ADAMTS17: variants seen among roughly 807,000 people sequenced by gnomAD.
ADAMTS17 encodes the protein A disintegrin and metalloproteinase with thrombospondin motifs 17.
Under a neutral mutation model 141.5 loss-of-function variants are expected in ADAMTS17, and 113 were observed. The ratio of observed to expected loss-of-function variants is 0.80; its 90% confidence interval spans 0.69 to 0.93. ADAMTS17 has a LOEUF of 0.93. ADAMTS17 is among the 40% of genes least tolerant of loss of function. The pLI is 0.00. For synonymous variants in ADAMTS17, 768 were observed against 630.6 expected (o/e 1.22, Z -3.27); for missense variants, 1,659 against 1,517.9 (o/e 1.09, Z -1.54).
At chr15:100,206,301 C>T (rs1427315384) in intron 7 of ADAMTS17, among the ~76,000 whole-genome samples, 1 of 152,210 alleles carries the variant, frequency 6.6e-6, no homozygotes, top group Non-Finnish European at 1.5e-5. Context: ...TGCACCGTCA[C>T]CTGTGTGCAG....
intron 4 of ADAMTS17, among the ~76,000 whole-genome samples, chr15:100,273,982 A>T (rs1261609168): frequency 6.6e-6 from 1 of 152,086 alleles, no homozygotes; most frequent in Non-Finnish European, 1.5e-5. Flanking sequence ...CAAATTTGTG[A>T]ATTTTCCAGT....
intron 10 of ADAMTS17, among the ~76,000 whole-genome samples, chr15:100,142,080 C>T (rs531982474): frequency 2.8e-4 from 43 of 152,220 alleles, no homozygotes; most frequent in Non-Finnish European, 4.3e-4. Flanking sequence ...AAGACAGATA[C>T]CTAAAACCCA....
chr15:100,133,304 A>G lies in ADAMTS17; in HGVS notation c.1485T>C (p.Cys495=), dbSNP rs1260745316. ...CTTCTACCAGGCACCACAGTCCAGC[A>G]CACATTAGATGCTGCAGGACAAGGG... ...TFCRNMEHLM[C]AGLWCLVEGD... is the part of the protein sequence containing the mutation. Residue 495 remains cysteine, a synonymous_variant, in exon 11 of 22, where the codon TGT becomes TGC. Coordinates refer to ENST00000268070, the MANE Select transcript of ADAMTS17 (RefSeq NM_139057.4). 6.3e-7 allele frequency: 1 copy of G among 1,587,884 alleles called. No individual in the cohort carries two copies. Among genetic ancestry groups the G allele is most frequent in the Non-Finnish European group, 8.6e-7 (1 of 1,164,474 alleles).
In ADAMTS17 at chr15:100,322,726, G is replaced by A. The variant is rs995013152; in HGVS notation, c.616+8163C>T. Among the ~76,000 whole-genome samples, 4 of 152,168 alleles carry A rather than the reference G, an allele frequency of 2.6e-5. No homozygotes were observed. The East Asian group carries it at 7.7e-4, about 29-fold the overall frequency. On this transcript the variant is annotated intron_variant, in intron 3 of 21. Transcript: ENST00000268070. ...ATGGATGAAAAGACAGGAAATTGCAGCAGAAATACTGACACTACTTAAAAA... is the reference window on the plus strand; with the variant it reads ...ATGGATGAAAAGACAGGAAATTGCAACAGAAATACTGACACTACTTAAAAA...
At chr15:100,242,334 C>G (rs28653465) in intron 7 of ADAMTS17, among the ~76,000 whole-genome samples, 4,013 of 152,304 alleles carry the variant, frequency 0.026, 184 homozygotes, top group African/African-American at 0.09. Context: ...CAAATGAGGA[C>G]TGTCCGTTGT....
In ADAMTS17 at chr15:100,313,500, G is replaced by A. The variant is rs182192775; in HGVS notation, c.616+17389C>T. On this transcript the variant is annotated intron_variant, in intron 3 of 21. Transcript: ENST00000268070. The stretch of plus-strand genomic sequence containing the variant: ...CCAATTTTAAAAAATACACCCACAC[G>A]GGCCAAATCTGAGACCGTTTGGGCA... 8.5e-5 allele frequency among the ~76,000 whole-genome samples: 13 copies of A among 152,254 alleles called. No homozygotes were observed. In the East Asian group the frequency reaches 9.6e-4, roughly 11 times the overall value.
intron 18 of ADAMTS17, among the ~76,000 whole-genome samples, chr15:100,006,419 G>C (rs1052304956): frequency 1.3e-5 from 2 of 152,170 alleles, no homozygotes; most frequent in Non-Finnish European, 2.9e-5. Context: ...CTAGGTAAAG[G>C]CCTTGTGAGG....
In ADAMTS17 at chr15:100,209,602, TAAA is replaced by T. The variant is rs11316509; in HGVS notation, c.1076-10182_1076-10180del. 4.2e-5 allele frequency among the ~76,000 whole-genome samples: 6 copies of T among 144,426 alleles called. No homozygotes were observed. In the East Asian group the frequency reaches 1.2e-3, roughly 29 times the overall value. The allele number at this position is 144,426 out of a possible 152,430, so 94.7% of individuals were successfully genotyped here. On this transcript the variant is annotated intron_variant, in intron 7 of 21. Coordinates refer to ENST00000268070, the MANE Select transcript of ADAMTS17 (RefSeq NM_139057.4). ...TAAAAATGACGGCATTACATTTTAT[TAAA>T]AAAAAAAAAAGCCTCTTAGAAAAGA...
intron 8 of ADAMTS17, among the ~76,000 whole-genome samples, chr15:100,160,537 T>C (rs995057757): frequency 2.0e-5 from 3 of 152,164 alleles, no homozygotes; most frequent in Non-Finnish European, 2.9e-5. Flanking sequence ...CAGGGCCTCT[T>C]CTCCTGGCCA....
intron 7 of ADAMTS17, among the ~76,000 whole-genome samples, chr15:100,251,867 G>T (rs1438689107): frequency 6.6e-6 from 1 of 152,224 alleles, no homozygotes; most frequent in Non-Finnish European, 1.5e-5. Context: ...GCCACAAGAG[G>T]ACACAGGAGA....
chr15:100,322,687 A>G (rs2045766628), intron 3 of ADAMTS17, among the ~76,000 whole-genome samples: 1 of 152,248 alleles, frequency 6.6e-6, no homozygotes, highest in Admixed American at 6.5e-5. Flanking sequence ...GACTTAAAGG[A>G]AAATGTGCTC....
chr15:100,173,432 C>T (rs1427366720), intron 8 of ADAMTS17, among the ~76,000 whole-genome samples: 2 of 152,080 alleles, frequency 1.3e-5, no homozygotes, highest in Non-Finnish European at 2.9e-5. Flanking sequence ...TATTTCTGCC[C>T]ATGAGGACCC....
chr15:100,132,059 G>T lies in ADAMTS17; in HGVS notation c.1669C>A (p.Arg557=). The change falls in exon 12 of 22, where the codon CGA becomes AGA. Residue 557 remains arginine (R), a synonymous_variant. Coordinates refer to ENST00000268070, the MANE Select transcript of ADAMTS17 (RefSeq NM_139057.4). ...SPWGAWSMCS[R]TCGTGARFRQ... ...AAGCGGGCTCCCGTCCCACATGTTC[G>T]GCTGCACATGCTCCAGGCGCCCCAC... 2 of 1,613,894 alleles carry T rather than the reference G, an allele frequency of 1.2e-6. No individual in the cohort carries two copies. The highest frequency in any genetic ancestry group is 2.2e-5 in the East Asian group (1 of 44,874).
intron 3 of ADAMTS17, among the ~76,000 whole-genome samples, chr15:100,287,734 A>G (rs780384978): frequency 6.6e-6 from 1 of 152,220 alleles, no homozygotes; most frequent in Non-Finnish European, 1.5e-5. Flanking sequence ...CTGTACTCCA[A>G]TCAAGAACTT....
rs77767847 is a variant in ADAMTS17, at chr15:100,340,630, T to C, written c.450+409A>G. Among the ~76,000 whole-genome samples the C allele has an allele frequency of 9.2e-5, 14 of 152,220 alleles. No individual in the cohort carries two copies. In the East Asian group the frequency reaches 2.7e-3, roughly 30 times the overall value. On this transcript the variant is annotated intron_variant, in intron 2 of 21. Coordinates refer to ENST00000268070, the MANE Select transcript of ADAMTS17 (RefSeq NM_139057.4). ...CCTCCAAGTCCAAGAACATAACACC[T>C]ACACGTACACAGGTACTCCCGTGAC...
chr15:100,041,731 T>G (rs537441923), intron 18 of ADAMTS17, among the ~76,000 whole-genome samples: 20 of 152,300 alleles, frequency 1.3e-4, no homozygotes, highest in African/African-American at 4.8e-4. Flanking sequence ...AGATTCCATA[T>G]GGTTACAGCA....
chr15:100,186,810 G>C (rs2040735197), intron 8 of ADAMTS17, among the ~76,000 whole-genome samples: 1 of 152,210 alleles, frequency 6.6e-6, no homozygotes, highest in African/African-American at 2.4e-5. Context: ...TTCTAGGATT[G>C]TCGCTTTTAT....
intron 13 of ADAMTS17, among the ~76,000 whole-genome samples, chr15:100,109,495 G>A (rs538321601): frequency 6.6e-6 from 1 of 151,608 alleles, no homozygotes; most frequent in Non-Finnish European, 1.5e-5. Context: ...GGGAGGGGGA[G>A]GGGAAGGGGA....
At chr15:100,122,389 A>C (rs943300567) in intron 12 of ADAMTS17, among the ~76,000 whole-genome samples, 3 of 152,188 alleles carry the variant, frequency 2.0e-5, no homozygotes, top group African/African-American at 7.2e-5. Context: ...ACAATTTGCT[A>C]CCTAAATAAT....
Sources: allele counts gnomAD v4.1 joint callset (sites outside exome capture counted in the v4.1 genomes callset), GRCh38; gene constraint gnomAD v4.1.1; transcripts MANE v1.5; gene names NCBI Gene and HGNC (gene_info 2026-07-23, HGNC 2026-07-21).